The following REEP1 variants were observed in gnomAD, a reference collection of about 807,000 sequenced individuals.
REEP1 encodes the protein receptor accessory protein 1.
REEP1 carries 22 observed loss-of-function variants against 40.3 expected under a neutral mutation model. The ratio of observed to expected loss-of-function variants is 0.55; its 90% CI spans 0.39 to 0.78. REEP1 has a LOEUF of 0.78. Among genes scored for constraint, REEP1 ranks in the 30% least tolerant of loss-of-function variants. The probability of loss-of-function intolerance (pLI) is 0.00; values close to 1 mark genes in which losing one functional copy is unlikely to be tolerated. For synonymous variants in REEP1, 116 were observed against 139.2 expected (o/e 0.83, Z 1.17); for missense variants, 280 against 361.1 (o/e 0.78, Z 1.82).
In REEP1 at chr2:86,244,485, C is replaced by T. The variant is rs76799145; in HGVS notation, c.417+7472G>A. Among the ~76,000 whole-genome samples, 90 of 152,260 alleles carry T rather than the reference C, an allele frequency of 5.9e-4. No homozygotes were observed. In the East Asian group the frequency reaches 0.015, roughly 26 times the overall value. ...CAACGCTTGGCTATCGCCTGTTGGC[C>T]GCTGACTATAATTGCAGGCCAAGTG... is the stretch of plus-strand genomic sequence containing the variant. On this transcript the variant is annotated intron_variant, in intron 5 of 8. Transcript: ENST00000538924.
chr2:86,308,531 G>A (rs975868224), intron 1 of REEP1, among the ~76,000 whole-genome samples: 3 of 152,224 alleles, frequency 2.0e-5, no homozygotes, highest in African/African-American at 7.2e-5. Flanking sequence ...CTCCAGCCTG[G>A]GCAACAGAGG....
chr2:86,298,166 T>C (rs1462839381), intron 1 of REEP1, among the ~76,000 whole-genome samples: 1 of 152,028 alleles, frequency 6.6e-6, no homozygotes, highest in Admixed American at 6.6e-5. Context: ...GTTGATGGAT[T>C]GGTTGGTTTG....
Position 86,219,594 on chromosome 2 carries a change from C to T in REEP1, c.783+376G>A, listed in dbSNP as rs562085736. 2.0e-4 allele frequency among the ~76,000 whole-genome samples: 30 copies of T among 151,988 alleles called. 1 individual carries two copies. Among genetic ancestry groups the T allele is most frequent in the Admixed American group, 1.5e-3 (23 of 15,290 alleles). On this transcript the variant is annotated intron_variant, in intron 8 of 8. Coordinates refer to ENST00000538924, the MANE Select transcript of REEP1 (RefSeq NM_001371279.1). ...CCAAGCAGCTGGGACTACAGGTGCGCGCCACTACACCCGGCTAATTTTTGT... is the reference window on the plus strand; with the variant it reads ...CCAAGCAGCTGGGACTACAGGTGCGTGCCACTACACCCGGCTAATTTTTGT...
At chr2:86,262,735 A>G (rs1286113986) in intron 3 of REEP1, among the ~76,000 whole-genome samples, 2 of 152,254 alleles carry the variant, frequency 1.3e-5, no homozygotes, top group African/African-American at 4.8e-5. Flanking sequence ...AAACATTCGT[A>G]CAACACAGCA....
chr2:86,337,328 G>T lies in REEP1; in HGVS notation c.32+151C>A. The T allele has an allele frequency of 2.4e-6, 1 of 423,794 alleles. No homozygotes were observed. Among genetic ancestry groups the T allele is most frequent in the Non-Finnish European group, 3.7e-6 (1 of 271,866 alleles). The allele number at this position is 423,794 out of a possible 1,614,324, so 26.3% of individuals were successfully genotyped here. On this transcript the variant is annotated intron_variant, in intron 1 of 8. Transcript: ENST00000538924. This position sits in a 1 kb window ranked among gnomAD's most constrained non-coding sequence, Gnocchi z 5.8. ...CTGCGCCGCCCGTCCGCCCGCAGGC[G>T]TCCTCGGCGGCTACTGTACCTGCTA... is the stretch of plus-strand genomic sequence containing the variant.
chr2:86,337,442 G>T lies in REEP1; in HGVS notation c.32+37C>A, dbSNP rs1269978510. 6 of 1,225,652 alleles carry T rather than the reference G, an allele frequency of 4.9e-6. No homozygotes were observed. The highest frequency in any genetic ancestry group is 6.2e-6 in the Non-Finnish European group (6 of 975,342). The allele number at this position is 1,225,652 out of a possible 1,614,324, so 75.9% of individuals were successfully genotyped here. A position where few individuals can be genotyped will look rare whatever the true frequency, so the allele number is the denominator to read the frequency against. On this transcript the variant is annotated intron_variant, in intron 1 of 8. Transcript: ENST00000538924. The surrounding 1 kb of genome is among the most constrained non-coding windows in gnomAD (Gnocchi z 5.8). ...CAGCCCGGGGCCGGGGGCGGGGAGG[G>T]AGGGGACGGAGGGGCGCGGGGGAGA...
chr2:86,226,955 G>A (rs115347390), intron 7 of REEP1, among the ~76,000 whole-genome samples: 6 of 152,228 alleles, frequency 3.9e-5, no homozygotes, highest in African/African-American at 1.4e-4. Context: ...CTGGCTTCCT[G>A]CCTGCCCTCT....
At chr2:86,337,711 C>T (rs1445067515), upstream of REEP1, 10 of 963,590 alleles carry the variant, frequency 1.0e-5, no homozygotes, top group South Asian at 3.3e-4. The surrounding 1 kb of genome is among the most constrained non-coding windows in gnomAD (Gnocchi z 5.8). Flanking sequence ...CCCCAGCCCC[C>T]CGGGGCTCGG....
Position 86,270,647 on chromosome 2 carries a change from T to C in REEP1, c.106-6606A>G, listed in dbSNP as rs545786978. ...GAATTCAAAAGCACAATATCTGAAA[T>C]GAAACAGTATGACAGAATTAACAGC... On this transcript the variant is annotated intron_variant, in intron 2 of 8. Transcript: ENST00000538924. 9.2e-5 allele frequency among the ~76,000 whole-genome samples: 14 copies of C among 152,108 alleles called. No individual in the cohort carries two copies. In the East Asian group the frequency reaches 1.5e-3, roughly 17 times the overall value.
intron 2 of REEP1, among the ~76,000 whole-genome samples, chr2:86,278,330 G>A (rs11127024): frequency 0.36 from 54,866 of 151,924 alleles, 11,925 homozygotes; most frequent in East Asian, 0.58. Flanking sequence ...ATTGGTGACC[G>A]TTCACTTAAC....
intron 8 of REEP1, among the ~76,000 whole-genome samples, chr2:86,219,494 C>T (rs1260198187): frequency 8.7e-5 from 13 of 149,732 alleles, no homozygotes; most frequent in Non-Finnish European, 4.4e-5. Flanking sequence ...TGTGTCATCC[C>T]GGCTGGAGTG....
At chr2:86,263,854 G>C in intron 3 of REEP1, 111 bp downstream of exon 3, 1 of 795,122 alleles carries the variant, frequency 1.3e-6, no homozygotes, top group Admixed American at 1.7e-5. Flanking sequence ...CTGCTCTTGC[G>C]TCTCTGGCCT....
intron 6 of REEP1, among the ~76,000 whole-genome samples, chr2:86,228,456 CT>C (rs5832674): frequency 0.74 from 102,533 of 137,838 alleles, 40,565 homozygotes; most frequent in East Asian, 0.9. Context: ...ATCCCCTTCA[CT>C]TTTTTTTTTT....
intron 3 of REEP1, among the ~76,000 whole-genome samples, chr2:86,258,592 C>T (rs1416779107): frequency 6.6e-6 from 1 of 152,210 alleles, no homozygotes; most frequent in East Asian, 1.9e-4. Flanking sequence ...AGGTCCTTGC[C>T]AGGCATCACA....
At chr2:86,323,504 T>C (rs1680362812) in intron 1 of REEP1, among the ~76,000 whole-genome samples, 1 of 152,278 alleles carries the variant, frequency 6.6e-6, no homozygotes, top group African/African-American at 2.4e-5. Context: ...CGGCATTAGA[T>C]TCTCATGGGA....
chr2:86,314,881 T>G (rs1301497766), intron 1 of REEP1, among the ~76,000 whole-genome samples: 1 of 151,626 alleles, frequency 6.6e-6, no homozygotes, highest in Non-Finnish European at 1.5e-5. Flanking sequence ...TTTCTAGAGA[T>G]GAGGTCTCAC....
At chr2:86,219,769 T>C (rs1354159329) in intron 8 of REEP1, among the ~76,000 whole-genome samples, 1 of 152,126 alleles carries the variant, frequency 6.6e-6, no homozygotes, top group Non-Finnish European at 1.5e-5. Flanking sequence ...CTAAATGAAA[T>C]TAATAGGATT....
chr2:86,275,919 G>A (rs1259318162), intron 2 of REEP1, among the ~76,000 whole-genome samples: 1 of 152,176 alleles, frequency 6.6e-6, no homozygotes, highest in Admixed American at 6.5e-5. Flanking sequence ...AGGTGGTCTG[G>A]GAATGAGGTG....
chr2:86,286,639 C>T (rs1440811574), intron 1 of REEP1, among the ~76,000 whole-genome samples: 5 of 152,196 alleles, frequency 3.3e-5, no homozygotes, highest in African/African-American at 7.2e-5. Context: ...AGACCACATA[C>T]GTAGCCTGCT....
Sources: gnomAD v4.1 joint callset for allele counts (sites outside exome capture counted in the v4.1 genomes callset) on GRCh38, gnomAD v4.1.1 for gene constraint, Gnocchi (gnomAD v3.1) non-coding constraint, MANE v1.5 for transcripts, NCBI Gene and HGNC (gene_info 2026-07-23, HGNC 2026-07-21) for gene names.